The following DHRSX variants were observed in gnomAD, a reference collection of about 807,000 sequenced individuals.
The protein encoded by DHRSX is dehydrogenase/reductase X-linked.
DHRSX carries 31 observed loss-of-function variants against 34.0 expected under a neutral mutation model. That is an observed-to-expected ratio of 0.91 (90% CI 0.69 to 1.23). DHRSX has a LOEUF of 1.23. Among genes scored for constraint, DHRSX ranks in the 50% most tolerant of loss-of-function variants. The pLI, the probability that DHRSX is intolerant of heterozygous loss-of-function variation, is 0.00. For synonymous variants in DHRSX, 201 were observed against 183.8 expected, an observed-to-expected ratio of 1.09 and a Z score of -0.76; for missense variants, 414 against 428.1, an observed-to-expected ratio of 0.97 and a Z score of 0.29.
At chrX:2,452,332 G>A (rs1421649419) in intron 1 of DHRSX, among the ~76,000 whole-genome samples, 3 of 148,416 alleles carry the variant, frequency 2.0e-5, no homozygotes, top group Non-Finnish European at 4.5e-5. Flanking sequence ...GCCAAGGGAC[G>A]GCACTGAAGA....
intron 3 of DHRSX, among the ~76,000 whole-genome samples, chrX:2,355,047 G>A (rs560101765): frequency 5.3e-5 from 8 of 152,240 alleles, no homozygotes; most frequent in South Asian, 2.1e-4. Flanking sequence ...TATGTGGGGC[G>A]AGGCAGAAGG....
chrX:2,239,988 A>C (rs1440086353), intron 6 of DHRSX, among the ~76,000 whole-genome samples: 1 of 151,888 alleles, frequency 6.6e-6, no homozygotes, highest in East Asian at 1.9e-4. Flanking sequence ...ATCAGAAAGC[A>C]AACTGCAAAA....
At chrX:2,437,640 T>C (rs2044008600) in intron 1 of DHRSX, among the ~76,000 whole-genome samples, 1 of 150,800 alleles carries the variant, frequency 6.6e-6, no homozygotes. Flanking sequence ...CATCATTTCA[T>C]TGTTGATATA....
chrX:2,346,938 T>C (rs1353998375), intron 3 of DHRSX, among the ~76,000 whole-genome samples: 2 of 152,186 alleles, frequency 1.3e-5, no homozygotes, highest in Non-Finnish European at 2.9e-5. Context: ...CTGAGAATGA[T>C]GGTTTCCAGC....
chrX:2,379,605 T>G (rs1038142148), intron 3 of DHRSX, among the ~76,000 whole-genome samples: 19 of 149,572 alleles, frequency 1.3e-4, no homozygotes, highest in African/African-American at 3.2e-4. Flanking sequence ...GTTTTTTTTT[T>G]TTTTTTTTTT....
intron 5 of DHRSX, among the ~76,000 whole-genome samples, chrX:2,253,830 G>A (rs1797203175): frequency 1.3e-5 from 2 of 152,182 alleles, no homozygotes; most frequent in Admixed American, 1.3e-4. Flanking sequence ...GGAGGCCGAG[G>A]CGGGCGGATC....
chrX:2,472,534 C>G (rs749706117), intron 1 of DHRSX, among the ~76,000 whole-genome samples: 28 of 152,208 alleles, frequency 1.8e-4, no homozygotes, highest in South Asian at 8.3e-4. Context: ...CTTTGGGAGG[C>G]CAAGATGGGT....
chrX:2,310,082 C>A (rs1049857302), intron 3 of DHRSX, among the ~76,000 whole-genome samples: 4 of 152,108 alleles, frequency 2.6e-5, no homozygotes, highest in Admixed American at 2.6e-4. Flanking sequence ...CTAATAAATT[C>A]ACGAGTGTCT....
chrX:2,488,522 A>C, intron 1 of DHRSX: 1 of 1,351,150 alleles, frequency 7.4e-7, no homozygotes. Flanking sequence ...TCTAGGTGTC[A>C]AAGACAGTGG....
At chrX:2,282,603 AGAG>A (rs2041723674) in intron 4 of DHRSX, among the ~76,000 whole-genome samples, 9 of 131,208 alleles carry the variant, frequency 6.9e-5, no homozygotes, top group South Asian at 2.7e-4. Context: ...AAGAGGGGAG[AGAG>A]AAGAAAGAGG....
chrX:2,294,006 G>T (rs1445187372), intron 3 of DHRSX, among the ~76,000 whole-genome samples: 1 of 151,960 alleles, frequency 6.6e-6, no homozygotes, highest in Non-Finnish European at 1.5e-5. Context: ...AGAGAGAGAA[G>T]AGACAGAGAT....
intron 2 of DHRSX, among the ~76,000 whole-genome samples, chrX:2,410,964 T>G (rs979803041): frequency 1.2e-4 from 19 of 152,190 alleles, no homozygotes; most frequent in African/African-American, 4.6e-4. Context: ...ATTATTACAT[T>G]TTTGCTTTGA....
intron 6 of DHRSX, among the ~76,000 whole-genome samples, chrX:2,230,345 G>C (rs2015847426): frequency 6.6e-6 from 1 of 152,198 alleles, no homozygotes; most frequent in South Asian, 2.1e-4. Context: ...CTGAAGCAGA[G>C]AGGATTAAGA....
At chrX:2,246,352 G>A (rs1434773789) in intron 5 of DHRSX, among the ~76,000 whole-genome samples, 2 of 151,888 alleles carry the variant, frequency 1.3e-5, no homozygotes, top group African/African-American at 2.4e-5. Context: ...GGCTGGGTGC[G>A]TTGGCTCATG....
chrX:2,376,665 AC>A (rs2043143400), intron 3 of DHRSX, among the ~76,000 whole-genome samples: 1 of 135,080 alleles, frequency 7.4e-6, no homozygotes, highest in Non-Finnish European at 1.8e-5. Flanking sequence ...AGAGTAGTGT[AC>A]GCTGTTAACT....
chrX:2,382,459 TCAC>T (rs2043213079), intron 3 of DHRSX, among the ~76,000 whole-genome samples: 1 of 151,568 alleles, frequency 6.6e-6, no homozygotes, highest in Non-Finnish European at 1.5e-5. Context: ...ATCATCACTA[TCAC>T]CACCATCACC....
At chrX:2,421,204 C>T (rs1220495434) in intron 2 of DHRSX, among the ~76,000 whole-genome samples, 1 of 152,046 alleles carries the variant, frequency 6.6e-6, no homozygotes, top group Non-Finnish European at 1.5e-5. Context: ...CATGGTGAGG[C>T]CCCATCTCTA....
At chrX:2,409,659 G>A (rs778281467) in intron 2 of DHRSX, among the ~76,000 whole-genome samples, 3 of 152,230 alleles carry the variant, frequency 2.0e-5, no homozygotes, top group Non-Finnish European at 2.9e-5. Flanking sequence ...TGTTTTGCTT[G>A]TTATAGCTAA....
In DHRSX at chrX:2,299,661, C is replaced by T. The variant is rs1305582962; in HGVS notation, c.287-8058G>A. Among the ~76,000 whole-genome samples, 3 of 151,980 alleles carry T rather than the reference C, an allele frequency of 2.0e-5. No homozygotes were observed. In the East Asian group the frequency reaches 5.8e-4, roughly 29 times the overall value. ...CCTGAGGTCAGGAGTTCGAGACCAGCCTGGCCAACATGGTGAAATCCGGTC... is the reference window on the plus strand; with the variant it reads ...CCTGAGGTCAGGAGTTCGAGACCAGTCTGGCCAACATGGTGAAATCCGGTC... On this transcript the variant is annotated intron_variant, in intron 3 of 6. Transcript: ENST00000334651.
Sources: gnomAD v4.1 joint callset for allele counts (sites outside exome capture counted in the v4.1 genomes callset) on GRCh38, gnomAD v4.1.1 for gene constraint, MANE v1.5 for transcripts, NCBI Gene and HGNC (gene_info 2026-07-23, HGNC 2026-07-21) for gene names.